WDR17: variants seen among roughly 807,000 people sequenced by gnomAD.
WDR17 encodes WD repeat-containing protein 17.
Under a neutral mutation model 161.7 loss-of-function variants are expected in WDR17, and 143 were observed. That is an observed-to-expected ratio of 0.88 (90% CI 0.77 to 1.02). The LOEUF is 1.02. Among genes scored for constraint, WDR17 ranks in the 50% least tolerant of loss-of-function variants. The pLI, the probability that WDR17 is intolerant of heterozygous loss-of-function variation, is 0.00. For synonymous variants in WDR17, 517 were observed against 515.6 expected (o/e 1.00, Z -0.04); for missense variants, 1,469 against 1,520.9 (o/e 0.97, Z 0.57).
At position 176,160,029 on chromosome 4, in the gene WDR17, A is replaced by G; in HGVS notation, c.2561A>G (p.Asp854Gly). ...ADQLIQEDKD[D>G]VIPYCIAIGD... ...CAATTAATCCAGGAAGATAAGGATG[A>G]TGTCATTCCATACTGCATAGCCATT... Residue 854 changes from aspartate (D) to glycine (G), a missense_variant, in exon 19 of 29, where the codon GAT becomes GGT. By Grantham distance (94) the Asp-to-Gly change is moderately conservative. Coordinates refer to ENST00000508596, the MANE Select transcript of WDR17 (RefSeq NM_181265.4). 8 of 1,611,856 alleles carry G rather than the reference A, an allele frequency of 5.0e-6. No individual in the cohort carries two copies. Among genetic ancestry groups the G allele is most frequent in the Non-Finnish European group, 6.8e-6 (8 of 1,178,522 alleles).
Position 176,131,693 on chromosome 4 carries a change from A to G in WDR17, c.1053A>G (p.Gly351=), listed in dbSNP as rs1743480285. 6.2e-7 allele frequency: 1 copy of G among 1,613,078 alleles called. No homozygotes were observed. Among genetic ancestry groups the G allele is most frequent in the African/African-American group, 1.3e-5 (1 of 74,872 alleles). ...GTTGTTTCTTGGATGGTGGAGTTGG[A>G]CTTTATGATATGGGAGCTAAGAAGT... The part of the protein sequence containing the change: ...AVCCFLDGGV[G]LYDMGAKKWD... The change falls in exon 7 of 29, where the codon GGA becomes GGG. Residue 351 remains glycine, a synonymous_variant. Transcript: ENST00000508596.
intron 22 of WDR17, among the ~76,000 whole-genome samples, chr4:176,167,509 G>A (rs925481462): frequency 6.7e-6 from 1 of 150,344 alleles, no homozygotes; most frequent in Non-Finnish European, 1.5e-5. Context: ...AGCCGGGCGA[G>A]GTGGCGGGCG....
chr4:176,127,494 C>T (rs1281859926), intron 5 of WDR17, among the ~76,000 whole-genome samples: 1 of 151,902 alleles, frequency 6.6e-6, no homozygotes, highest in Admixed American at 6.6e-5. Flanking sequence ...CGGTGTTTTA[C>T]CATGTTGGCC....
intron 26 of WDR17, among the ~76,000 whole-genome samples, chr4:176,175,832 T>A (rs539026895): frequency 1.2e-3 from 181 of 152,324 alleles, no homozygotes; most frequent in African/African-American, 4.2e-3. Flanking sequence ...GTGCTGGGAT[T>A]ACAGGCGTGA....
chr4:176,179,578 G>T lies in WDR17; in HGVS notation c.3851G>T (p.Ter1284LeuextTer1). 3.2e-6 allele frequency: 5 copies of T among 1,543,612 alleles called. No homozygotes were observed. The highest frequency in any genetic ancestry group is 4.4e-6 in the Non-Finnish European group (5 of 1,146,008). The change falls in exon 29 of 29, where the codon TGA (stop) becomes TTA (leucine). Residue 1284 changes from the stop codon to leucine, a stop_lost. Transcript: ENST00000508596. Reference sequence around the variant, plus strand: ...ACTGGAATACGACTCAATCCATTCTGATAGAAGATTTTTGTCCATGCTTGA... The same window carrying T: ...ACTGGAATACGACTCAATCCATTCTTATAGAAGATTTTTGTCCATGCTTGA... ...LGTGIRLNPF[*>L]
chr4:176,098,739 T>C (rs1422748657), intron 1 of WDR17, among the ~76,000 whole-genome samples: 2 of 152,012 alleles, frequency 1.3e-5, no homozygotes, highest in African/African-American at 2.4e-5. Context: ...AGATTTTAAA[T>C]GTAATAATAT....
At chr4:176,121,592 C>A (rs1741594292) in intron 4 of WDR17, among the ~76,000 whole-genome samples, 1 of 152,060 alleles carries the variant, frequency 6.6e-6, no homozygotes, top group South Asian at 2.1e-4. Flanking sequence ...AAATTGCACT[C>A]TAGATATTTT....
At chr4:176,144,086 C>T (rs542654529) in intron 11 of WDR17, among the ~76,000 whole-genome samples, 1 of 152,218 alleles carries the variant, frequency 6.6e-6, no homozygotes, top group African/African-American at 2.4e-5. Context: ...CTGATTTTCA[C>T]CCCAAGGTTC....
In WDR17 at chr4:176,149,782, T is replaced by C. The variant is rs747159628; in HGVS notation, c.1898-25T>C. 6.2e-6 allele frequency: 10 copies of C among 1,605,408 alleles called. No individual in the cohort carries two copies. In the Admixed American group the frequency reaches 1.7e-4, roughly 28 times the overall value. On this transcript the variant is annotated intron_variant, in intron 13 of 28. Coordinates refer to ENST00000508596, the MANE Select transcript of WDR17 (RefSeq NM_181265.4). ...AATATTTTTCAATGTTCACTTTACT[T>C]AAAATAGGTTTTTATTTTCATCAGG...
intron 1 of WDR17, among the ~76,000 whole-genome samples, chr4:176,075,943 C>T (rs915638099): frequency 6.6e-6 from 1 of 151,660 alleles, no homozygotes; most frequent in Non-Finnish European, 1.5e-5. Flanking sequence ...ACACTGTACC[C>T]CAGCCTGAGT....
chr4:176,109,766 A>G (rs1287224607), intron 1 of WDR17, among the ~76,000 whole-genome samples: 1 of 152,206 alleles, frequency 6.6e-6, no homozygotes, highest in Non-Finnish European at 1.5e-5. Flanking sequence ...TGTACACTGA[A>G]CAAGCTTCTA....
At chr4:176,157,261 C>A (rs4690662) in intron 18 of WDR17, among the ~76,000 whole-genome samples, 49,229 of 152,026 alleles carry the variant, frequency 0.32, 8,648 homozygotes, top group East Asian at 0.39. Flanking sequence ...TATGTAATTA[C>A]CTTTCTTCTG....
At chr4:176,129,246 A>G (rs1742972879) in intron 6 of WDR17, among the ~76,000 whole-genome samples, 1 of 152,140 alleles carries the variant, frequency 6.6e-6, no homozygotes, top group Non-Finnish European at 1.5e-5. Context: ...TGTACAGTTT[A>G]CAACGAAGTT....
intron 1 of WDR17, among the ~76,000 whole-genome samples, chr4:176,079,684 C>G (rs1157209454): frequency 6.6e-6 from 1 of 151,968 alleles, no homozygotes; most frequent in Non-Finnish European, 1.5e-5. Context: ...AAAAGAATAC[C>G]TGAAACTGGG....
intron 1 of WDR17, among the ~76,000 whole-genome samples, chr4:176,068,047 T>C (rs1285492724): frequency 6.6e-6 from 1 of 152,192 alleles, no homozygotes; most frequent in Non-Finnish European, 1.5e-5. Context: ...TTCTTTGAAA[T>C]CTAACATATG....
rs1480952166 is a variant in WDR17 at position 176,172,409 on chromosome 4, T to C, written c.3137T>C (p.Leu1046Ser). ...KLPTVEECMQ[L>S]AETARADDNI... is the part of the protein sequence containing the mutation. ...CCCACAGTGGAAGAATGTATGCAGT[T>C]AGCTGAGACAGCCCGTGCAGATGAC... The change falls in exon 24 of 29, where the codon TTA becomes TCA. Residue 1046 changes from leucine to serine, a missense_variant. By Grantham distance (145) the Leu-to-Ser change is moderately radical. Coordinates refer to ENST00000508596, the MANE Select transcript of WDR17 (RefSeq NM_181265.4). The C allele has an allele frequency of 6.2e-7, 1 of 1,610,580 alleles. No homozygotes were observed. Among genetic ancestry groups the C allele is most frequent in the Non-Finnish European group, 8.5e-7 (1 of 1,179,168 alleles).
At chr4:176,112,112 A>G (rs982421835) in intron 2 of WDR17, among the ~76,000 whole-genome samples, 3 of 152,166 alleles carry the variant, frequency 2.0e-5, no homozygotes, top group Non-Finnish European at 4.4e-5. Context: ...ATTTCTTCAT[A>G]TAGAAGTGCC....
rs1407072542 is a variant in WDR17, at chr4:176,092,309, T to TATAC, written c.-6-19263_-6-19260dup. ...ATGGTTCAACATATGCAAATCAAAT[T>TATAC]ATACATCATGTCAACAGGATGAAGG... On this transcript the variant is annotated intron_variant, in intron 1 of 28. Transcript: ENST00000508596. Among the ~76,000 whole-genome samples, 7 of 152,196 alleles carry TATAC rather than the reference T, an allele frequency of 4.6e-5. No individual in the cohort carries two copies. The East Asian group carries it at 1.4e-3, about 29-fold the overall frequency.
chr4:176,109,508 A>G (rs1194694872), intron 1 of WDR17, among the ~76,000 whole-genome samples: 1 of 152,188 alleles, frequency 6.6e-6, no homozygotes, highest in East Asian at 1.9e-4. Flanking sequence ...TCCTAAATCT[A>G]TCACTAATTC....
Sources: allele counts gnomAD v4.1 joint callset (sites outside exome capture counted in the v4.1 genomes callset), GRCh38; gene constraint gnomAD v4.1.1; transcripts MANE v1.5; gene names NCBI Gene and HGNC (gene_info 2026-07-23, HGNC 2026-07-21).